The following WDR72 variants were observed in gnomAD, a reference collection of about 807,000 sequenced individuals.
WDR72 encodes the protein WD repeat domain 72.
WDR72 carries 120 observed loss-of-function variants against 124.2 expected under a neutral mutation model. That is an observed-to-expected ratio of 0.97 (90% CI 0.83 to 1.12). The LOEUF (loss-of-function observed/expected upper bound fraction) is 1.12, where lower values mean the gene tolerates loss of function less well. WDR72 is among the 50% of genes most tolerant of loss of function. The pLI is 0.00. For synonymous variants in WDR72, 452 were observed against 441.7 expected, an observed-to-expected ratio of 1.02 and a Z score of -0.29; for missense variants, 1,387 against 1,278.8, an observed-to-expected ratio of 1.08 and a Z score of -1.29.
At position 53,540,983 on chromosome 15, in the gene WDR72, G is replaced by A. The variant is rs151241511; in HGVS notation, c.3149-17661C>T. ...GAGATTGTATCCCGCACCTGGCTCG[G>A]AGGGTCCTACGCCCACGGAGTCTCG... On this transcript the variant is annotated intron_variant, in intron 18 of 19. Transcript: ENST00000360509. The A allele has an allele frequency of 7.5e-3, 1,189 of 157,818 alleles. 13 individuals carry two copies. The highest frequency in any genetic ancestry group is 0.028 in the African/African-American group (1,156 of 41,618). The allele number at this position is 157,818 out of a possible 1,614,324, so 9.8% of individuals were successfully genotyped here. A position where few individuals can be genotyped will look rare whatever the true frequency, so the allele number is the denominator to read the frequency against.
rs769750739 is a variant in WDR72 at position 53,710,837 on chromosome 15, T to C, written c.954+20A>G. 3.2e-6 allele frequency: 5 copies of C among 1,567,974 alleles called. No homozygotes were observed. In the South Asian group the frequency reaches 5.5e-5, roughly 17 times the overall value. ...ACTGAGTGAAACAGCTTTGAGGCAG[T>C]CACTCTTTTCTTGCATTACCTTATT... On this transcript the variant is annotated intron_variant, in intron 9 of 19. Transcript: ENST00000360509.
chr15:53,730,122 T>G (rs2018158725), intron 2 of WDR72, among the ~76,000 whole-genome samples: 1 of 152,212 alleles, frequency 6.6e-6, no homozygotes. Flanking sequence ...AACCCATGTA[T>G]GTATCCATAG....
chr15:53,529,162 A>AT (rs1255013586), intron 18 of WDR72, among the ~76,000 whole-genome samples: 9 of 58,742 alleles, frequency 1.5e-4, no homozygotes, highest in East Asian at 9.3e-4. Flanking sequence ...ATATATATAT[A>AT]TATTTTTTTT....
chr15:53,759,692 G>C (rs914061496), upstream of WDR72: 1 of 151,262 alleles, frequency 6.6e-6, no homozygotes, highest in Non-Finnish European at 1.5e-5. Context: ...TCGCCCTTAG[G>C]GTCACGGGTA....
intron 18 of WDR72, among the ~76,000 whole-genome samples, chr15:53,582,744 T>C (rs2011997525): frequency 6.6e-6 from 1 of 151,956 alleles, no homozygotes; most frequent in Non-Finnish European, 1.5e-5. Context: ...AAACTAATAT[T>C]TAAAGCAAAT....
At chr15:53,762,019 C>CTT (rs532377261), upstream of WDR72, among the ~76,000 whole-genome samples, 352 of 147,426 alleles carry the variant, frequency 2.4e-3, no homozygotes, top group African/African-American at 8.5e-3. Context: ...GGAGACACTG[C>CTT]TTTTTTTTTT....
chr15:53,707,515 C>T (rs1216804898), intron 9 of WDR72, among the ~76,000 whole-genome samples: 1 of 151,762 alleles, frequency 6.6e-6, no homozygotes, highest in Non-Finnish European at 1.5e-5. Flanking sequence ...GGCATGATCT[C>T]GGCTCACTGC....
intron 14 of WDR72, among the ~76,000 whole-genome samples, chr15:53,619,385 G>T (rs984499979): frequency 1.3e-5 from 2 of 151,366 alleles, no homozygotes; most frequent in Non-Finnish European, 2.9e-5. Context: ...GGTATCCAGG[G>T]GTACTACCAA....
At chr15:53,528,766 C>T (rs1327077966) in intron 18 of WDR72, among the ~76,000 whole-genome samples, 1 of 151,708 alleles carries the variant, frequency 6.6e-6, no homozygotes, top group African/African-American at 2.4e-5. Context: ...ATGGCTAGAC[C>T]CCCAGCCAAG....
intron 2 of WDR72, among the ~76,000 whole-genome samples, chr15:53,723,991 T>G (rs2017949054): frequency 6.6e-6 from 1 of 152,072 alleles, no homozygotes; most frequent in East Asian, 1.9e-4. Flanking sequence ...AAAAAAGAAA[T>G]AAATCCTGCC....
In WDR72 at chr15:53,705,993, A is replaced by G; in HGVS notation, c.1036T>C (p.Ser346Pro). The stretch of plus-strand genomic sequence containing the variant: ...ATGTGCCACAAAGTAATTCTTCCTG[A>G]GACTTCTCCAGAGAAAAGTACCTTG... ...FYKVLFSGEV[S>P]GRITLWHIPD... is the part of the protein sequence containing the mutation. The change falls in exon 10 of 20, where the codon TCA becomes CCA. Residue 346 changes from serine to proline, a missense_variant. By Grantham distance (74) the Ser-to-Pro change is moderately conservative. Coordinates refer to ENST00000360509, the MANE Select transcript of WDR72 (RefSeq NM_182758.4). 2 of 1,614,100 alleles carry G rather than the reference A, an allele frequency of 1.2e-6. No individual in the cohort carries two copies. Among genetic ancestry groups the G allele is most frequent in the Non-Finnish European group, 1.7e-6 (2 of 1,179,990 alleles).
At chr15:53,735,418 C>G (rs147482363) in intron 1 of WDR72, among the ~76,000 whole-genome samples, 1 of 152,114 alleles carries the variant, frequency 6.6e-6, no homozygotes, top group Non-Finnish European at 1.5e-5. Flanking sequence ...AAAGAAAGAA[C>G]AGGGAACAGT....
chr15:53,612,355 G>T (rs1268668781), intron 16 of WDR72, among the ~76,000 whole-genome samples: 1 of 152,088 alleles, frequency 6.6e-6, no homozygotes, highest in Non-Finnish European at 1.5e-5. Context: ...ATGTCAGATA[G>T]ATAGTGAAGA....
At chr15:53,579,972 C>T (rs1370749459) in intron 18 of WDR72, among the ~76,000 whole-genome samples, 2 of 152,014 alleles carry the variant, frequency 1.3e-5, no homozygotes, top group African/African-American at 2.4e-5. Flanking sequence ...ATGATAATTG[C>T]ATCTATCACT....
In WDR72 at chr15:53,750,340, C is replaced by T. The variant is rs78726254; in HGVS notation, c.-13+9293G>A. Among the ~76,000 whole-genome samples, 1,204 of 152,238 alleles carry T rather than the reference C, an allele frequency of 7.9e-3. 14 individuals are homozygous for T. Among genetic ancestry groups the T allele is most frequent in the African/African-American group, 0.027 (1,130 of 41,544 alleles). ...GCCTGGATGACAAAACATCTATTTA[C>T]AGAATAGTTTACTGAGTATTTTATG... is the stretch of plus-strand genomic sequence containing the variant. On this transcript the variant is annotated intron_variant, in intron 1 of 19. Coordinates refer to ENST00000360509, the MANE Select transcript of WDR72 (RefSeq NM_182758.4).
chr15:53,684,870 GGC>G (rs2016554592), intron 13 of WDR72, among the ~76,000 whole-genome samples: 39 of 152,194 alleles, frequency 2.6e-4, no homozygotes, highest in Admixed American at 2.6e-3. Context: ...ATCTGAGAAG[GGC>G]CAGACTGCCT....
At chr15:53,744,850 C>T (rs1048763663) in intron 1 of WDR72, among the ~76,000 whole-genome samples, 3 of 152,100 alleles carry the variant, frequency 2.0e-5, no homozygotes, top group African/African-American at 7.2e-5. Context: ...TGTGACCTTC[C>T]TAGGACCAAA....
intron 19 of WDR72, among the ~76,000 whole-genome samples, chr15:53,518,957 A>G (rs917585859): frequency 2.0e-4 from 30 of 152,126 alleles, no homozygotes; most frequent in Non-Finnish European, 3.8e-4. Context: ...CATACTGATT[A>G]TAAACTACTT....
chr15:53,760,294 T>C (rs2019037318), upstream of WDR72, among the ~76,000 whole-genome samples: 1 of 151,842 alleles, frequency 6.6e-6, no homozygotes, highest in Admixed American at 6.6e-5. Context: ...TTCTACCCAT[T>C]TACCATTTCC....
Sources: gnomAD v4.1 joint callset for allele counts (sites outside exome capture counted in the v4.1 genomes callset) on GRCh38, gnomAD v4.1.1 for gene constraint, MANE v1.5 for transcripts, NCBI Gene and HGNC (gene_info 2026-07-23, HGNC 2026-07-21) for gene names.